DHX9: variants seen among roughly 807,000 people sequenced by gnomAD.
The protein encoded by DHX9 is ATP-dependent RNA helicase A.
DHX9 carries 27 observed loss-of-function variants against 148.7 expected under a neutral mutation model. The observed-to-expected ratio is 0.18, with a 90% CI of 0.13 to 0.25. The LOEUF (loss-of-function observed/expected upper bound fraction) is 0.25, where lower values mean the gene tolerates loss of function less well. Among genes scored for constraint, DHX9 ranks in the 10% least tolerant of loss-of-function variants. DHX9 has a pLI of 1.00. For synonymous variants in DHX9, 529 were observed against 516.6 expected (o/e 1.02, Z -0.33); for missense variants, 796 against 1,559.6 (o/e 0.51, Z 8.25).
Position 182,879,243 on chromosome 1 carries a change from C to A in DHX9, c.2352-7C>A. On this transcript the variant is annotated splice_region_variant and splice_polypyrimidine_tract_variant and intron_variant, in intron 20 of 27. Coordinates refer to ENST00000367549, the MANE Select transcript of DHX9 (RefSeq NM_001357.5). ...AGGATGGTTATTTTATGCTTATTTT[C>A]TCTTAGACTTGAAACCCACATGACA... The A allele has an allele frequency of 6.9e-7, 1 of 1,448,402 alleles. No homozygotes were observed. Among genetic ancestry groups the A allele is most frequent in the South Asian group, 1.6e-5 (1 of 62,732 alleles). The allele number at this position is 1,448,402 out of a possible 1,614,324, so 89.7% of individuals were successfully genotyped here. A position where few individuals can be genotyped will look rare whatever the true frequency, so the allele number is the denominator to read the frequency against.
chr1:182,857,192 G>A (rs1249636352), intron 7 of DHX9, among the ~76,000 whole-genome samples: 2 of 152,102 alleles, frequency 1.3e-5, no homozygotes. Flanking sequence ...TATTTTGAGT[G>A]GATGGATAAT....
chr1:182,851,274 AAG>A (rs1240701638), intron 3 of DHX9, among the ~76,000 whole-genome samples: 1 of 152,216 alleles, frequency 6.6e-6, no homozygotes, highest in Non-Finnish European at 1.5e-5. Context: ...TAATGTGAAA[AAG>A]TAACAAAGCG....
At chr1:182,840,808 T>G (rs1259968060) in intron 1 of DHX9, among the ~76,000 whole-genome samples, 5 of 152,056 alleles carry the variant, frequency 3.3e-5, no homozygotes, top group Non-Finnish European at 5.9e-5. Context: ...CTTAAGGGAG[T>G]GGACGACTCT....
chr1:182,855,726 G>A (rs1357811143), intron 6 of DHX9: 7 of 985,298 alleles, frequency 7.1e-6, no homozygotes, highest in East Asian at 2.3e-4. Flanking sequence ...CAGTTCACAC[G>A]AGGTATAGGA....
chr1:182,843,410 G>T lies in DHX9; in HGVS notation c.228G>T (p.Lys76Asn). The change falls in exon 3 of 28, where the codon AAG becomes AAT. Residue 76 changes from lysine to asparagine, a missense_variant. Around this residue, in one of 14 missense-constraint regions of DHX9, gnomAD observed 89 missense variants for 77.5 expected, o/e 1.15. Coordinates refer to ENST00000367549, the MANE Select transcript of DHX9 (RefSeq NM_001357.5). ...ATTTGGTTCGAATAAATGAAATAAA[G>T]AGTGAAGAAGTTCCAGCTTTTGGGG... Reference protein sequence around the residue: ...VNYLVRINEIKSEEVPAFGVA... With the variant: ...VNYLVRINEINSEEVPAFGVA... The T allele has an allele frequency of 6.2e-7, 1 of 1,601,310 alleles. No individual in the cohort carries two copies. The highest frequency in any genetic ancestry group is 1.1e-5 in the South Asian group (1 of 88,274).
At chr1:182,841,339 C>T (rs1374911171) in intron 1 of DHX9, among the ~76,000 whole-genome samples, 1 of 151,936 alleles carries the variant, frequency 6.6e-6, no homozygotes, top group Non-Finnish European at 1.5e-5. Context: ...TGTATTTGGG[C>T]ATCGATAGCA....
At chr1:182,846,660 C>G (rs183683269) in intron 3 of DHX9, among the ~76,000 whole-genome samples, 18 of 152,242 alleles carry the variant, frequency 1.2e-4, no homozygotes, top group Non-Finnish European at 1.5e-4. Flanking sequence ...AGATCTTTTC[C>G]TGTTATTTTT....
Position 182,841,745 on chromosome 1 carries a change from CTCA to C in DHX9, c.-22-798_-22-796del, listed in dbSNP as rs368690791. 1.0e-3 allele frequency among the ~76,000 whole-genome samples: 152 copies of C among 152,306 alleles called. 1 individual carries two copies. The highest frequency in any genetic ancestry group is 3.2e-3 in the African/African-American group (134 of 41,556). ...TATTTTCTCTGGTTATAAATGTGGTCTCATATCTTGCTTACAGTTTAGACTCAG... is the reference window on the plus strand; with the variant it reads ...TATTTTCTCTGGTTATAAATGTGGTCTATCTTGCTTACAGTTTAGACTCAG... On this transcript the variant is annotated intron_variant, in intron 1 of 27. Coordinates refer to ENST00000367549, the MANE Select transcript of DHX9 (RefSeq NM_001357.5).
chr1:182,880,666 C>T, intron 22 of DHX9, 58 bp downstream of exon 22: 4 of 1,192,442 alleles, frequency 3.4e-6, no homozygotes, highest in East Asian at 2.4e-5. Flanking sequence ...AGAATCTTCT[C>T]CTCCCTGTAA....
In DHX9 at chr1:182,876,561, G is replaced by A. The variant is rs1571318700; in HGVS notation, c.2124+20G>A. 1 of 1,593,466 alleles carries A rather than the reference G, an allele frequency of 6.3e-7. No homozygotes were observed. Among genetic ancestry groups the A allele is most frequent in the East Asian group, 2.2e-5 (1 of 44,768 alleles). ...ACCAAGGTAAATATTAAACATTAGA[G>A]TGATGGGATTGGAAGTGACGTAGAT... On this transcript the variant is annotated intron_variant, in intron 18 of 27. Transcript: ENST00000367549.
At chr1:182,871,041 A>C (rs2102611771) in intron 14 of DHX9, among the ~76,000 whole-genome samples, 1 of 152,316 alleles carries the variant, frequency 6.6e-6, no homozygotes, top group South Asian at 2.1e-4. Flanking sequence ...GAAATGCACT[A>C]ACCTTGAAAT....
chr1:182,858,286 A>C (rs371775650), intron 8 of DHX9, 46 bp downstream of exon 8: 1 of 1,587,036 alleles, frequency 6.3e-7, no homozygotes, highest in African/African-American at 1.4e-5. Flanking sequence ...GTGAGATTCA[A>C]TTTAGCTCTT....
intron 18 of DHX9, 127 bp from the exon 19 acceptor site, chr1:182,876,703 C>T: frequency 1.1e-6 from 1 of 902,372 alleles, no homozygotes; most frequent in Admixed American, 2.5e-5. Flanking sequence ...GTTCATTAAT[C>T]AGTTATTGGG....
chr1:182,883,413 T>G, intron 25 of DHX9, 45 bp downstream of exon 25: 1 of 1,588,724 alleles, frequency 6.3e-7, no homozygotes, highest in South Asian at 1.1e-5. Flanking sequence ...TGAAATTGTC[T>G]TTACAATCAT....
At chr1:182,881,222 A>C in intron 22 of DHX9, 42 bp from the exon 23 acceptor site, 2 of 1,582,462 alleles carry the variant, frequency 1.3e-6, no homozygotes, top group East Asian at 4.5e-5. Flanking sequence ...TGGCAACAAC[A>C]TTGTGATCTA....
chr1:182,876,919 A>G lies in DHX9; in HGVS notation c.2198+16A>G. On this transcript the variant is annotated intron_variant, in intron 19 of 27. Coordinates refer to ENST00000367549, the MANE Select transcript of DHX9 (RefSeq NM_001357.5). ...ACTCCTGCAAGTAAGTTACTGGGAA[A>G]CCTATTTGTCTGCTCCAGTGTTACT... The G allele has an allele frequency of 6.3e-7, 1 of 1,595,028 alleles. No homozygotes were observed. Among genetic ancestry groups the G allele is most frequent in the East Asian group, 2.2e-5 (1 of 44,682 alleles).
chr1:182,882,095 A>G (rs1649109835), intron 24 of DHX9, among the ~76,000 whole-genome samples: 2 of 152,366 alleles, frequency 1.3e-5, no homozygotes, highest in South Asian at 4.1e-4. Flanking sequence ...GACAGAAGGT[A>G]GTTGGGCAAG....
At chr1:182,853,639 T>G (rs1571302345) in intron 5 of DHX9, among the ~76,000 whole-genome samples, 1 of 152,194 alleles carries the variant, frequency 6.6e-6, no homozygotes, top group Non-Finnish European at 1.5e-5. Context: ...TTTTTCTTGG[T>G]AGTAATAAAA....
intron 14 of DHX9, among the ~76,000 whole-genome samples, chr1:182,869,053 A>C (rs1459117450): frequency 6.6e-6 from 1 of 152,218 alleles, no homozygotes; most frequent in Non-Finnish European, 1.5e-5. Flanking sequence ...AAATTATTCC[A>C]AACACTGGAA....
Sources: allele counts gnomAD v4.1 joint callset (sites outside exome capture counted in the v4.1 genomes callset), GRCh38; gene constraint gnomAD v4.1.1; regional missense constraint gnomAD v4.1.1; transcripts MANE v1.5; gene names NCBI Gene and HGNC (gene_info 2026-07-23, HGNC 2026-07-21).